F11: variants seen among roughly 807,000 people sequenced by gnomAD.
F11 encodes coagulation factor XI.
Under a neutral mutation model 76.5 loss-of-function variants are expected in F11, and 78 were observed. That is an observed-to-expected ratio of 1.02 (90% CI 0.85 to 1.23). The LOEUF (loss-of-function observed/expected upper bound fraction) is 1.23, where lower values mean the gene tolerates loss of function less well. Among genes scored for constraint, F11 ranks in the 50% most tolerant of loss-of-function variants. The pLI, the probability that F11 is intolerant of heterozygous loss-of-function variation, is 0.00. For synonymous variants in F11, 278 were observed against 276.3 expected (o/e 1.01, Z -0.06); for missense variants, 742 against 771.4 (o/e 0.96, Z 0.45).
intron 14 of F11, among the ~76,000 whole-genome samples, chr4:186,288,073 G>T (rs4253428): frequency 6.6e-6 from 1 of 150,768 alleles, no homozygotes; most frequent in Admixed American, 6.6e-5. Flanking sequence ...CCCAGCTAGC[G>T]TCTTTTTTTT....
chr4:186,285,910 A>C, intron 12 of F11, 97 bp downstream of exon 12: 2 of 1,278,528 alleles, frequency 1.6e-6, no homozygotes, highest in Non-Finnish European at 2.3e-6. Context: ...CAATCTCTCC[A>C]TGCGTTATCA....
chr4:186,288,343 T>C (rs1467423931), intron 14 of F11, 110 bp from the exon 15 acceptor site: 2 of 1,381,680 alleles, frequency 1.4e-6, no homozygotes, highest in Middle Eastern at 1.8e-4. Context: ...CTGCAGTATA[T>C]TAAGGGGCCA....
chr4:186,267,207 T>G lies in F11; in HGVS notation c.55+16T>G, dbSNP rs765311117. 7 of 1,468,186 alleles carry G rather than the reference T, an allele frequency of 4.8e-6. No individual in the cohort carries two copies. In the Admixed American group the frequency reaches 1.2e-4, roughly 25 times the overall value. The allele number at this position is 1,468,186 out of a possible 1,614,324, so 90.9% of individuals were successfully genotyped here. A position where few individuals can be genotyped will look rare whatever the true frequency, so the allele number is the denominator to read the frequency against. ...GTTTCTGGTGGTAAGTAGAGTGTTA[T>G]CTTAACTATGGGCTGGGAGAGGGAA... On this transcript the variant is annotated intron_variant, in intron 2 of 14. Coordinates refer to ENST00000403665, the MANE Select transcript of F11 (RefSeq NM_000128.4).
At chr4:186,279,961 T>C in intron 7 of F11, 51 bp from the exon 8 acceptor site, 1 of 1,378,788 alleles carries the variant, frequency 7.3e-7, no homozygotes, top group Non-Finnish European at 1.0e-6. Flanking sequence ...TGTAAAAATG[T>C]TTTTATGTGT....
At position 186,280,504 on chromosome 4, in the gene F11, CG is replaced by C; in HGVS notation, c.1061del (p.Gly354AspfsTer18). 1 of 1,614,132 alleles carries C rather than the reference CG, an allele frequency of 6.2e-7. No individual in the cohort carries two copies. The highest frequency in any genetic ancestry group is 8.5e-7 in the Non-Finnish European group (1 of 1,180,020). ...GKCYLKLSSN[G>X]SPTKILHGRG... is the part of the protein sequence containing the mutation. ...AGTGTTACTTAAAGCTTTCTTCAAA[CG>C]GATCTCCAACTAAAATACTTCACGG... On this transcript the variant is annotated frameshift_variant, in exon 10 of 15. Coordinates refer to ENST00000403665, the MANE Select transcript of F11 (RefSeq NM_000128.4). LOFTEE classifies it high-confidence loss of function.
At chr4:186,287,124 A>C (rs996548610) in intron 13 of F11, among the ~76,000 whole-genome samples, 1 of 151,680 alleles carries the variant, frequency 6.6e-6, no homozygotes, top group African/African-American at 2.4e-5. Flanking sequence ...TAGGTACCCA[A>C]CCACCACCCC....
chr4:186,282,406 C>T, intron 10 of F11: 1 of 985,296 alleles, frequency 1.0e-6, no homozygotes, highest in South Asian at 4.7e-5. Flanking sequence ...ATGAAATAAC[C>T]CCCTAATGTG....
At chr4:186,278,818 T>A (rs1002923028) in intron 7 of F11, among the ~76,000 whole-genome samples, 4 of 152,210 alleles carry the variant, frequency 2.6e-5, no homozygotes, top group African/African-American at 9.7e-5. Context: ...TGATACTTTT[T>A]AAAAATCTAG....
intron 2 of F11, among the ~76,000 whole-genome samples, chr4:186,267,429 C>T (rs985349144): frequency 1.3e-5 from 2 of 152,172 alleles, no homozygotes; most frequent in Non-Finnish European, 2.9e-5. Context: ...TGCCTACATA[C>T]ATCATTCATT....
At position 186,288,844 on chromosome 4, in the gene F11, G is replaced by A. The variant is rs1741403124; in HGVS notation, c.*230G>A. The A allele has an allele frequency of 1.1e-5, 6 of 525,878 alleles. No individual in the cohort carries two copies. The highest frequency in any genetic ancestry group is 8.0e-5 in the South Asian group (4 of 50,036). The allele number at this position is 525,878 out of a possible 1,614,324, so 32.6% of individuals were successfully genotyped here. A position where few individuals can be genotyped will look rare whatever the true frequency, so the allele number is the denominator to read the frequency against. On this transcript the variant is annotated 3_prime_UTR_variant, in exon 15 of 15. Transcript: ENST00000403665. ...ATTCAGTCTCTTTGTTTTTGATCACGCTTCTATGGAGTCCAAGAATTACCA... is the reference window on the plus strand; with the variant it reads ...ATTCAGTCTCTTTGTTTTTGATCACACTTCTATGGAGTCCAAGAATTACCA...
At chr4:186,282,873 G>C in intron 10 of F11, 1 of 985,086 alleles carries the variant, frequency 1.0e-6, no homozygotes, top group South Asian at 4.7e-5. Context: ...TTTGAAATCT[G>C]CCCCAGAATT....
chr4:186,274,035 G>T (rs1046139745), intron 4 of F11, 81 bp from the exon 5 acceptor site: 4 of 1,523,222 alleles, frequency 2.6e-6, no homozygotes, highest in Middle Eastern at 1.7e-4. Flanking sequence ...AAAGTTGAAA[G>T]GATGAGTCAG....
chr4:186,288,330 T>C, intron 14 of F11, 123 bp from the exon 15 acceptor site: 1 of 1,181,394 alleles, frequency 8.5e-7, no homozygotes, highest in African/African-American at 1.5e-5. Context: ...GCACCCAGGT[T>C]CTCTGCAGTA....
intron 12 of F11, 62 bp from the exon 13 acceptor site, chr4:186,286,353 C>T: frequency 7.3e-7 from 1 of 1,366,726 alleles, no homozygotes; most frequent in South Asian, 1.2e-5. Flanking sequence ...GAAGAAGAGT[C>T]TCTTCTGGAA....
At chr4:186,267,318 C>G in intron 2 of F11, 127 bp downstream of exon 2, 1 of 758,918 alleles carries the variant, frequency 1.3e-6, no homozygotes, top group Non-Finnish European at 2.4e-6. Flanking sequence ...AACTTCCTGC[C>G]TGAGGCTCCA....
At chr4:186,286,285 C>G (rs375193191) in intron 12 of F11, 130 bp from the exon 13 acceptor site, 1 of 925,142 alleles carries the variant, frequency 1.1e-6, no homozygotes, top group African/African-American at 1.6e-5. Flanking sequence ...GGAAAATACA[C>G]GACAACAAGG....
In F11 at chr4:186,289,022, A is replaced by T; in HGVS notation, c.*408A>T. On this transcript the variant is annotated 3_prime_UTR_variant, in exon 15 of 15. Transcript: ENST00000403665. The stretch of plus-strand genomic sequence containing the variant: ...TGAAAACTGGAAGAAAGGAGAACAA[A>T]GACAGTCTTCACCATTTTGCAGGAA... 9.3e-4 allele frequency: 203 copies of T among 218,688 alleles called. No homozygotes were observed. Among genetic ancestry groups the T allele is most frequent in the South Asian group, 3.7e-3 (51 of 13,858 alleles). 13.5% of individuals were successfully genotyped at this position (218,688 alleles called of 1,614,324 possible). A position where few individuals can be genotyped will look rare whatever the true frequency, so the allele number is the denominator to read the frequency against.
At chr4:186,274,392 TA>T (rs1740217222) in intron 5 of F11, 117 bp downstream of exon 5, 2 of 1,302,106 alleles carry the variant, frequency 1.5e-6, no homozygotes, top group Non-Finnish European at 2.2e-6. Flanking sequence ...AAGACATTTC[TA>T]TAATAGTACT....
chr4:186,286,367 A>G, intron 12 of F11, 48 bp from the exon 13 acceptor site: 3 of 1,422,416 alleles, frequency 2.1e-6, no homozygotes, highest in Non-Finnish European at 3.0e-6. Flanking sequence ...TCTGGAAAAG[A>G]GGATATATTT....
Sources: allele counts gnomAD v4.1 joint callset (sites outside exome capture counted in the v4.1 genomes callset), GRCh38; gene constraint gnomAD v4.1.1; transcripts MANE v1.5; gene names NCBI Gene and HGNC (gene_info 2026-07-23, HGNC 2026-07-21).